GARS1: variants seen among roughly 807,000 people sequenced by gnomAD.
GARS1 encodes the protein glycine--tRNA ligase.
GARS1 carries 46 observed loss-of-function variants against 86.4 expected under a neutral mutation model. That is an observed-to-expected ratio of 0.53 (90% CI 0.42 to 0.68). GARS1 has a LOEUF of 0.68. Among genes scored for constraint, GARS1 ranks in the 30% least tolerant of loss-of-function variants. The pLI, the probability that GARS1 is intolerant of heterozygous loss-of-function variation, is 0.00. For missense variants in GARS1, 797 were observed against 915.6 expected (o/e 0.87, Z 1.67); for synonymous variants, 342 against 329.8 (o/e 1.04, Z -0.40).
chr7:30,623,162 A>G (rs1774591440), intron 12 of GARS1, among the ~76,000 whole-genome samples: 1 of 151,708 alleles, frequency 6.6e-6, no homozygotes, highest in Admixed American at 6.6e-5. Flanking sequence ...AACAAAATCC[A>G]GCACTGAACA....
At chr7:30,617,958 G>A (rs1386013274) in intron 10 of GARS1, among the ~76,000 whole-genome samples, 2 of 152,136 alleles carry the variant, frequency 1.3e-5, no homozygotes, top group Non-Finnish European at 2.9e-5. Context: ...TTCTCTTATT[G>A]GGTGTTAGAG....
chr7:30,618,730 C>T (rs1782938650), intron 10 of GARS1, among the ~76,000 whole-genome samples: 1 of 152,188 alleles, frequency 6.6e-6, no homozygotes, highest in African/African-American at 2.4e-5. Context: ...CACATGCATG[C>T]ATAAATGCAT....
At chr7:30,599,654 C>T (rs898828271) in intron 2 of GARS1, among the ~76,000 whole-genome samples, 10 of 152,188 alleles carry the variant, frequency 6.6e-5, no homozygotes, top group Admixed American at 1.3e-4. Flanking sequence ...CCACCCACTT[C>T]GGCCTCCCAA....
intron 6 of GARS1, 32 bp from the exon 7 acceptor site, chr7:30,609,553 C>A: frequency 1.3e-6 from 2 of 1,594,540 alleles, no homozygotes; most frequent in Non-Finnish European, 8.6e-7. Flanking sequence ...TTTTCTCTGT[C>A]TTTTACACTA....
chr7:30,625,271 C>A (rs181854701), intron 12 of GARS1, among the ~76,000 whole-genome samples: 1 of 152,102 alleles, frequency 6.6e-6, no homozygotes, highest in South Asian at 2.1e-4. Flanking sequence ...TAGCTGTTAA[C>A]TATGATACAC....
chr7:30,621,538 A>C, intron 11 of GARS1, 38 bp downstream of exon 11: 1 of 1,410,932 alleles, frequency 7.1e-7, no homozygotes, highest in Non-Finnish European at 1.0e-6. Flanking sequence ...CAGGATTCAC[A>C]TGTGAACATC....
intron 14 of GARS1, among the ~76,000 whole-genome samples, chr7:30,630,633 C>G (rs909647542): frequency 6.6e-6 from 1 of 151,732 alleles, no homozygotes; most frequent in Non-Finnish European, 1.5e-5. Context: ...GCTTCAGCCT[C>G]CCAAGTAGCT....
intron 15 of GARS1, chr7:30,631,955 T>C (rs560741922): frequency 1.4e-5 from 6 of 437,164 alleles, no homozygotes; most frequent in South Asian, 1.3e-4. Flanking sequence ...ATTGACCTGC[T>C]TAGAGCCATA....
intron 6 of GARS1, among the ~76,000 whole-genome samples, chr7:30,608,491 TATA>T (rs1791529473): frequency 6.6e-6 from 1 of 152,218 alleles, no homozygotes; most frequent in African/African-American, 2.4e-5. Context: ...TGGGTAATTG[TATA>T]ATGTTATTTT....
chr7:30,621,523 A>G, intron 11 of GARS1, 23 bp downstream of exon 11: 1 of 1,550,972 alleles, frequency 6.4e-7, no homozygotes, highest in Non-Finnish European at 8.9e-7. Flanking sequence ...GTCACTCCAA[A>G]AACTCAGGAT....
intron 6 of GARS1, among the ~76,000 whole-genome samples, chr7:30,604,855 A>G (rs886616555): frequency 1.3e-5 from 2 of 152,192 alleles, no homozygotes; most frequent in Non-Finnish European, 2.9e-5. Flanking sequence ...TTTTAGATTT[A>G]CTGAGGTTTT....
At position 30,609,613 on chromosome 7, in the gene GARS1, C is replaced by G. The variant is rs765478968; in HGVS notation, c.764C>G (p.Ala255Gly). Residue 255 changes from alanine to glycine, a missense_variant, in exon 7 of 17, where the codon GCG becomes GGG. Around this residue, in one of 2 missense-constraint regions of GARS1, gnomAD observed 598 missense variants for 738.7 expected, o/e 0.81. Transcript: ENST00000389266. ...GATAACTATGGACAGCAAGAACTTG[C>G]GGATCTTTTTGTGAACTATAATGTA... ...QLDNYGQQEL[A>G]DLFVNYNVKS... 1 of 1,613,076 alleles carries G rather than the reference C, an allele frequency of 6.2e-7. No individual in the cohort carries two copies. Among genetic ancestry groups the G allele is most frequent in the Non-Finnish European group, 8.5e-7 (1 of 1,179,276 alleles).
intron 5 of GARS1, 27 bp from the exon 6 acceptor site, chr7:30,603,469 T>C: frequency 6.4e-7 from 1 of 1,570,622 alleles, no homozygotes. Context: ...TCCCATTGAT[T>C]GATATATGTC....
At chr7:30,621,702 A>G (rs1032164350) in intron 11 of GARS1, 1 of 605,326 alleles carries the variant, frequency 1.7e-6, no homozygotes, top group Non-Finnish European at 2.9e-6. Flanking sequence ...TGCCCACTCA[A>G]TGTTTGGCCT....
rs1414734097 is a variant in GARS1, at chr7:30,598,895, A to C, written c.322A>C (p.Lys108Gln). 2.5e-6 allele frequency: 4 copies of C among 1,612,314 alleles called. No homozygotes were observed. The highest frequency in any genetic ancestry group is 3.4e-6 in the Non-Finnish European group (4 of 1,178,326). The change falls in exon 2 of 17, where the codon AAG (lysine) becomes CAG (glutamine). Residue 108 changes from lysine (K) to glutamine (Q), a missense_variant and splice_region_variant. By Grantham distance (53) the Lys-to-Gln change is moderately conservative. Transcript: ENST00000389266. ...LKARKRVLEA[K>Q]ELALQPKDDI... The stretch of plus-strand genomic sequence containing the variant: ...AGCCCGCAAGAGGGTTCTGGAAGCA[A>C]AGGTGAGTCCTGGGATGCTAAAATA...
At chr7:30,620,144 ATCT>A (rs1782976041) in intron 10 of GARS1, among the ~76,000 whole-genome samples, 1 of 151,730 alleles carries the variant, frequency 6.6e-6, no homozygotes, top group Non-Finnish European at 1.5e-5. Flanking sequence ...AAAAAAATGA[ATCT>A]TCTTGAGAAG....
intron 1 of GARS1, among the ~76,000 whole-genome samples, chr7:30,597,369 A>AGCTTTT (rs1408685265): frequency 6.6e-6 from 1 of 152,240 alleles, no homozygotes; most frequent in East Asian, 1.9e-4. Flanking sequence ...ACCTTGAAGA[A>AGCTTTT]GCTACCACTT....
intron 2 of GARS1, among the ~76,000 whole-genome samples, chr7:30,599,564 A>T (rs143583989): frequency 2.6e-5 from 4 of 152,154 alleles, no homozygotes; most frequent in Admixed American, 2.6e-4. Context: ...CACCAAGCCC[A>T]GCTAATTTTT....
Position 30,609,836 on chromosome 7 carries a change from T to A in GARS1, c.881+106T>A, listed in dbSNP as rs901233706. On this transcript the variant is annotated intron_variant, in intron 7 of 16. Coordinates refer to ENST00000389266, the MANE Select transcript of GARS1 (RefSeq NM_002047.4). The stretch of plus-strand genomic sequence containing the variant: ...TGAAGGAAAAATTTTTAAAAAGTGA[T>A]ATACAGAAGTACAGATGAATGTATT... 14 of 921,142 alleles carry A rather than the reference T, an allele frequency of 1.5e-5. No homozygotes were observed. The Admixed American group carries it at 2.7e-4, about 17-fold the overall frequency. 57.1% of individuals were successfully genotyped at this position (921,142 alleles called of 1,614,324 possible). A position where few individuals can be genotyped will look rare whatever the true frequency, so the allele number is the denominator to read the frequency against.
Sources: allele counts gnomAD v4.1 joint callset (sites outside exome capture counted in the v4.1 genomes callset), GRCh38; gene constraint gnomAD v4.1.1; regional missense constraint gnomAD v4.1.1; transcripts MANE v1.5; gene names NCBI Gene and HGNC (gene_info 2026-07-23, HGNC 2026-07-21).